SLC12A8: variants seen among roughly 807,000 people sequenced by gnomAD.
SLC12A8 encodes the protein cation-chloride cotransporter 9.
SLC12A8 carries 69 observed loss-of-function variants against 75.6 expected under a neutral mutation model. That is an observed-to-expected ratio of 0.91 (90% CI 0.75 to 1.11). The LOEUF (loss-of-function observed/expected upper bound fraction) is 1.11, where lower values mean the gene tolerates loss of function less well. Ranked by LOEUF, SLC12A8 falls within the 50% of genes most tolerant of loss-of-function variation. The pLI is 0.00. For synonymous variants in SLC12A8, 365 were observed against 372.8 expected (o/e 0.98, Z 0.24); for missense variants, 877 against 896.7 (o/e 0.98, Z 0.28).
At chr3:125,112,278 C>G (rs757639328) in intron 8 of SLC12A8, among the ~76,000 whole-genome samples, 2 of 152,046 alleles carry the variant, frequency 1.3e-5, no homozygotes, top group Non-Finnish European at 2.9e-5. Context: ...AAGAATCTCA[C>G]CTGTCTCTTT....
chr3:125,132,163 T>C (rs1179283093), intron 6 of SLC12A8, among the ~76,000 whole-genome samples: 1 of 152,208 alleles, frequency 6.6e-6, no homozygotes, highest in East Asian at 1.9e-4. Context: ...GTGCAGAGCA[T>C]GGCAGGAGCA....
intron 5 of SLC12A8, among the ~76,000 whole-genome samples, chr3:125,165,556 T>C (rs1934267233): frequency 6.6e-6 from 1 of 152,150 alleles, no homozygotes; most frequent in Non-Finnish European, 1.5e-5. Flanking sequence ...AACTGCTGGC[T>C]CTTCATCTCA....
rs1239181578 is a variant in SLC12A8, at chr3:125,082,675, C to T, written c.*1215G>A. 5 of 152,238 alleles carry T rather than the reference C, an allele frequency of 3.3e-5. No individual in the cohort carries two copies. The highest frequency in any genetic ancestry group is 9.6e-5 in the African/African-American group (4 of 41,464). 9.4% of individuals were successfully genotyped at this position (152,238 alleles called of 1,614,324 possible). A position where few individuals can be genotyped will look rare whatever the true frequency, so the allele number is the denominator to read the frequency against. The stretch of plus-strand genomic sequence containing the variant: ...TTAATTCTTTAATTAAAAAGACCCT[C>T]ACTAAACAATAATAGTTTACAAATG... On this transcript the variant is annotated 3_prime_UTR_variant, in exon 14 of 14. Coordinates refer to ENST00000469902, the MANE Select transcript of SLC12A8 (RefSeq NM_024628.6).
At chr3:125,202,182 T>A (rs895995490) in intron 2 of SLC12A8, among the ~76,000 whole-genome samples, 2 of 152,386 alleles carry the variant, frequency 1.3e-5, no homozygotes, top group Admixed American at 1.3e-4. Flanking sequence ...AGTGCTGGGA[T>A]TACTGGCATG....
intron 5 of SLC12A8, among the ~76,000 whole-genome samples, chr3:125,165,800 C>T (rs1274771251): frequency 6.6e-6 from 1 of 152,158 alleles, no homozygotes; most frequent in Non-Finnish European, 1.5e-5. Context: ...AGGCCTGGCC[C>T]TCCGCAGACA....
intron 5 of SLC12A8, among the ~76,000 whole-genome samples, chr3:125,148,954 A>T (rs1933851730): frequency 6.8e-6 from 1 of 147,298 alleles, no homozygotes; most frequent in Non-Finnish European, 1.5e-5. Context: ...CAGTGAGAGG[A>T]ACACAAACCA....
rs545830210 is a variant in SLC12A8 at position 125,204,838 on chromosome 3, C to T, written c.51+6461G>A. On this transcript the variant is annotated intron_variant, in intron 2 of 13. Transcript: ENST00000469902. Reference sequence around the variant, plus strand: ...ATATGTACCAAAATATCATATGTACCCCCATAAATACGTATAATTATTATA... The same window carrying T: ...ATATGTACCAAAATATCATATGTACTCCCATAAATACGTATAATTATTATA... 8.2e-4 allele frequency among the ~76,000 whole-genome samples: 125 copies of T among 152,054 alleles called. 3 individuals carry two copies. The highest frequency in any genetic ancestry group is 1.6e-3 in the Non-Finnish European group (106 of 67,986).
intron 5 of SLC12A8, among the ~76,000 whole-genome samples, chr3:125,160,419 T>A (rs182758956): frequency 6.6e-6 from 1 of 152,368 alleles, no homozygotes. Flanking sequence ...CAATAAAGGT[T>A]AGCTACCACT....
intron 3 of SLC12A8, among the ~76,000 whole-genome samples, chr3:125,187,974 G>A (rs141566740): frequency 1.3e-5 from 2 of 152,226 alleles, no homozygotes; most frequent in African/African-American, 4.8e-5. Flanking sequence ...AGCCAGTTTT[G>A]ACCTCTAGGC....
intron 6 of SLC12A8, among the ~76,000 whole-genome samples, chr3:125,128,567 C>T (rs1933275361): frequency 6.6e-6 from 1 of 151,366 alleles, no homozygotes; most frequent in African/African-American, 2.4e-5. Context: ...GCAACCTCTG[C>T]CTCCCAGGTT....
chr3:125,128,426 C>T (rs1208388731), intron 6 of SLC12A8, among the ~76,000 whole-genome samples: 2 of 149,006 alleles, frequency 1.3e-5, no homozygotes, highest in South Asian at 2.2e-4. Flanking sequence ...GTGATCCGCC[C>T]GCCTCGGCCT....
chr3:125,102,790 G>A (rs1399034895), intron 10 of SLC12A8, among the ~76,000 whole-genome samples: 1 of 152,186 alleles, frequency 6.6e-6, no homozygotes, highest in Non-Finnish European at 1.5e-5. Flanking sequence ...CGAAGAGAAT[G>A]AGAGAGGAAA....
intron 5 of SLC12A8, among the ~76,000 whole-genome samples, chr3:125,160,256 C>T (rs553918828): frequency 1.3e-5 from 2 of 152,354 alleles, no homozygotes; most frequent in East Asian, 3.9e-4. Flanking sequence ...ACTTGGTTCT[C>T]AAATCTACCT....
At chr3:125,119,749 G>A (rs1932999713) in intron 7 of SLC12A8, 1 of 415,676 alleles carries the variant, frequency 2.4e-6, no homozygotes, top group African/African-American at 2.0e-5. Flanking sequence ...CAAATTCAGT[G>A]TTTGTGAAAC....
At chr3:125,124,306 ATTTG>A (rs1933140965) in intron 6 of SLC12A8, among the ~76,000 whole-genome samples, 1 of 151,898 alleles carries the variant, frequency 6.6e-6, no homozygotes. Flanking sequence ...CAAAGTGTAC[ATTTG>A]TTTGTGTTTG....
intron 5 of SLC12A8, among the ~76,000 whole-genome samples, chr3:125,141,748 C>T (rs1933645087): frequency 6.6e-6 from 1 of 152,110 alleles, no homozygotes; most frequent in African/African-American, 2.4e-5. Flanking sequence ...CTTCTGGGTC[C>T]CCCACCCCTG....
chr3:125,140,310 C>T (rs75318815), intron 5 of SLC12A8, among the ~76,000 whole-genome samples: 1,937 of 152,248 alleles, frequency 0.013, 41 homozygotes, highest in African/African-American at 0.044. Flanking sequence ...ACTGAGGCTC[C>T]GGAACGTGAA....
At chr3:125,155,497 C>T (rs1025925889) in intron 5 of SLC12A8, among the ~76,000 whole-genome samples, 2 of 151,928 alleles carry the variant, frequency 1.3e-5, no homozygotes, top group African/African-American at 4.8e-5. Context: ...TTGAGCCGGG[C>T]GCGGTGGCTC....
chr3:125,133,739 T>A (rs1446026398), intron 6 of SLC12A8, among the ~76,000 whole-genome samples: 1 of 152,140 alleles, frequency 6.6e-6, no homozygotes. Context: ...GCTAACTTTT[T>A]AATCATGTTT....
Sources: allele counts gnomAD v4.1 joint callset (sites outside exome capture counted in the v4.1 genomes callset), GRCh38; gene constraint gnomAD v4.1.1; transcripts MANE v1.5; gene names NCBI Gene and HGNC (gene_info 2026-07-23, HGNC 2026-07-21).